RTL4: variants seen among roughly 807,000 people sequenced by gnomAD.
The protein encoded by RTL4 is retrotransposon Gag like 4.
In RTL4, 4 loss-of-function variants were observed where a neutral mutation model predicts 5.3. That is an observed-to-expected ratio of 0.75 (90% CI 0.37 to 1.72). The LOEUF (loss-of-function observed/expected upper bound fraction) is 1.72. RTL4 is among the 40% of genes most tolerant of loss of function. RTL4 has a pLI of 0.04. For synonymous variants in RTL4, 98 were observed against 87.3 expected, an observed-to-expected ratio of 1.12 and a Z score of -0.68; for missense variants, 260 against 227.1, an observed-to-expected ratio of 1.14 and a Z score of -0.93.
chrX:112,392,621 C>G, the RTL4 span, among the ~76,000 whole-genome samples: 5 of 111,113 alleles, frequency 4.5e-5, no homozygotes, highest in African/African-American at 1.6e-4. Context: ...TCCTGTGCTC[C>G]TTTAGCCCCT....
the RTL4 span, among the ~76,000 whole-genome samples, chrX:112,216,092 T>C: frequency 8.9e-6 from 1 of 111,786 alleles, no homozygotes; most frequent in East Asian, 2.8e-4. Flanking sequence ...AAATAATCTT[T>C]AAAAATTATA....
At chrX:112,382,647 A>T in the RTL4 span, among the ~76,000 whole-genome samples, 2 of 112,487 alleles carry the variant, frequency 1.8e-5, no homozygotes, top group Non-Finnish European at 3.8e-5. Context: ...TGCTCAGTAA[A>T]TAACCAGTAT....
chrX:112,247,362 G>C, the RTL4 span, among the ~76,000 whole-genome samples: 1 of 111,696 alleles, frequency 9.0e-6, no homozygotes, highest in Non-Finnish European at 1.9e-5. Context: ...CTATGGGTTT[G>C]CCTATTTTAG....
the RTL4 span, among the ~76,000 whole-genome samples, chrX:112,141,907 G>T: frequency 8.9e-6 from 1 of 111,733 alleles, no homozygotes; most frequent in Non-Finnish European, 1.9e-5. Context: ...AAGGGTTTTG[G>T]AATCTTTATC....
chrX:112,310,224 C>A, the RTL4 span, among the ~76,000 whole-genome samples: 12 of 96,504 alleles, frequency 1.2e-4, no homozygotes, highest in Non-Finnish European at 2.5e-4. Context: ...GAAAGTAGAG[C>A]TCTCATGATA....
chrX:112,094,400 T>C, the RTL4 span, among the ~76,000 whole-genome samples: 2 of 110,518 alleles, frequency 1.8e-5, no homozygotes, highest in Non-Finnish European at 1.9e-5. Context: ...CAGTTTAGGA[T>C]GTGGAGAGTA....
At chrX:112,330,810 T>C in the RTL4 span, among the ~76,000 whole-genome samples, 2 of 110,945 alleles carry the variant, frequency 1.8e-5, no homozygotes, top group African/African-American at 6.6e-5. Flanking sequence ...AAAACAGAGA[T>C]ATAGATCAAT....
At chrX:112,102,807 G>A in the RTL4 span, among the ~76,000 whole-genome samples, 3 of 112,022 alleles carry the variant, frequency 2.7e-5, no homozygotes, top group East Asian at 8.4e-4. Flanking sequence ...AGACATATAT[G>A]TGGACAACAA....
chrX:112,266,489 A>G, the RTL4 span, among the ~76,000 whole-genome samples: 1 of 110,614 alleles, frequency 9.0e-6, no homozygotes, highest in Non-Finnish European at 1.9e-5. Context: ...GGGAGGGGAC[A>G]TGAATGGGGG....
At chrX:112,378,613 C>T in the RTL4 span, among the ~76,000 whole-genome samples, 1 of 111,764 alleles carries the variant, frequency 8.9e-6, no homozygotes, top group East Asian at 2.8e-4. Flanking sequence ...CAAAAATAAT[C>T]TGACATTTAA....
chrX:112,241,707 C>G, the RTL4 span, among the ~76,000 whole-genome samples: 8 of 111,853 alleles, frequency 7.2e-5, no homozygotes, highest in East Asian at 1.1e-3. Flanking sequence ...TAATTAGATC[C>G]CATTTGTCAA....
At chrX:112,144,116 C>T in the RTL4 span, among the ~76,000 whole-genome samples, 4 of 111,119 alleles carry the variant, frequency 3.6e-5, no homozygotes, top group Non-Finnish European at 5.7e-5. Context: ...TTGGATTTAA[C>T]CTTAGAGTTG....
chrX:112,392,197 G>A, the RTL4 span, among the ~76,000 whole-genome samples: 1 of 112,304 alleles, frequency 8.9e-6, no homozygotes, highest in Non-Finnish European at 1.9e-5. Flanking sequence ...TGGGGGCTCT[G>A]TCCAGGGAGT....
the RTL4 span, among the ~76,000 whole-genome samples, chrX:112,301,827 C>T: frequency 1.8e-5 from 2 of 108,956 alleles, no homozygotes; most frequent in Non-Finnish European, 3.8e-5. Flanking sequence ...TGCCCATGCC[C>T]GATGGTCTGA....
the RTL4 span, among the ~76,000 whole-genome samples, chrX:112,154,994 T>C: frequency 9.0e-6 from 1 of 111,093 alleles, no homozygotes; most frequent in Non-Finnish European, 1.9e-5. Flanking sequence ...TTTTCTGCCA[T>C]ATGAGGACAT....
At chrX:112,409,238 A>G in the RTL4 span, among the ~76,000 whole-genome samples, 1 of 112,331 alleles carries the variant, frequency 8.9e-6, no homozygotes, top group African/African-American at 3.2e-5. Flanking sequence ...CATACAATAA[A>G]AACAAATAGA....
the RTL4 span, among the ~76,000 whole-genome samples, chrX:112,375,526 T>C: frequency 3.6e-5 from 4 of 111,036 alleles, no homozygotes; most frequent in Non-Finnish European, 1.9e-5. Flanking sequence ...CTTTTTTCCA[T>C]GGGGGAAATC....
the RTL4 span, among the ~76,000 whole-genome samples, chrX:112,366,264 G>A: frequency 8.9e-6 from 1 of 111,830 alleles, no homozygotes; most frequent in South Asian, 3.8e-4. Context: ...GGAAATAATA[G>A]ATGTGAAAGT....
At chrX:112,135,062 A>G in the RTL4 span, among the ~76,000 whole-genome samples, 2 of 112,285 alleles carry the variant, frequency 1.8e-5, no homozygotes, top group Non-Finnish European at 3.8e-5. Context: ...TTAGATAAAC[A>G]TGTAGGAATA....
Sources: gnomAD v4.1 joint callset for allele counts (sites outside exome capture counted in the v4.1 genomes callset) on GRCh38, gnomAD v4.1.1 for gene constraint, MANE v1.5 for transcripts, NCBI Gene and HGNC (gene_info 2026-07-23, HGNC 2026-07-21) for gene names.